The following PCDHGA6 variants were observed in gnomAD, a reference collection of about 807,000 sequenced individuals.
The protein encoded by PCDHGA6 is protocadherin gamma subfamily A, 6.
A neutral mutation model predicts 60.6 loss-of-function variants in PCDHGA6; 41 were observed. The ratio of observed to expected loss-of-function variants is 0.68; its 90% CI spans 0.53 to 0.88. PCDHGA6 has a LOEUF of 0.88. PCDHGA6 is among the 40% of genes least tolerant of loss of function. The probability of loss-of-function intolerance (pLI) is 0.00; values close to 1 mark genes in which losing one functional copy is unlikely to be tolerated. For synonymous variants in PCDHGA6, 594 were observed against 524.4 expected (o/e 1.13, Z -1.81); for missense variants, 1,312 against 1,203.0 (o/e 1.09, Z -1.34).
At position 141,404,471 on chromosome 5, in the gene PCDHGA6, A is replaced by G. The variant is rs200620626; in HGVS notation, c.2424+27964A>G. ...GTCTCCTCTCTCCACCTATGTCTCT[A>G]TTAACTCAGACACTGGTGTGCTGTA... On this transcript the variant is annotated intron_variant, in intron 1 of 3. Coordinates refer to ENST00000517434, the MANE Select transcript of PCDHGA6 (RefSeq NM_018919.3). 307 of 1,613,160 alleles carry G rather than the reference A, an allele frequency of 1.9e-4. No homozygotes were observed. Among genetic ancestry groups the G allele is most frequent in the Non-Finnish European group, 2.5e-4 (293 of 1,179,322 alleles).
intron 1 of PCDHGA6, chr5:141,410,511 G>C (rs755576652): frequency 6.2e-7 from 1 of 1,613,824 alleles, no homozygotes; most frequent in Non-Finnish European, 8.5e-7. Flanking sequence ...CTAAAATGCA[G>C]TGTGCCCCTA....
At chr5:141,495,558 A>G (rs2099762084) in intron 2 of PCDHGA6, among the ~76,000 whole-genome samples, 1 of 151,662 alleles carries the variant, frequency 6.6e-6, no homozygotes, top group Admixed American at 6.6e-5. Flanking sequence ...TCGCTTTGCA[A>G]TCTCTGCCTC....
chr5:141,462,051 G>A (rs1370612703), intron 1 of PCDHGA6, among the ~76,000 whole-genome samples: 2 of 152,068 alleles, frequency 1.3e-5, no homozygotes, highest in African/African-American at 4.8e-5. Context: ...TTGAACTCCC[G>A]ACCTCAGGTG....
At chr5:141,444,757 C>T (rs919228537) in intron 1 of PCDHGA6, among the ~76,000 whole-genome samples, 4 of 152,050 alleles carry the variant, frequency 2.6e-5, no homozygotes, top group African/African-American at 9.7e-5. Flanking sequence ...ATATGTAGTT[C>T]TATTTCTATA....
At chr5:141,445,312 T>C (rs1419229431) in intron 1 of PCDHGA6, among the ~76,000 whole-genome samples, 2 of 152,194 alleles carry the variant, frequency 1.3e-5, no homozygotes, top group African/African-American at 4.8e-5. Context: ...AGTTTGTAGG[T>C]TGAGAGAACC....
chr5:141,433,564 G>A (rs1380905062), intron 1 of PCDHGA6, among the ~76,000 whole-genome samples: 1 of 152,042 alleles, frequency 6.6e-6, no homozygotes, highest in Non-Finnish European at 1.5e-5. Flanking sequence ...GGCTGGGCGC[G>A]GTGGCTCACG....
Position 141,486,929 on chromosome 5 carries a change from G to A in PCDHGA6, c.2425-7878G>A. 2.5e-6 allele frequency: 4 copies of A among 1,614,226 alleles called. No individual in the cohort carries two copies. Among genetic ancestry groups the A allele is most frequent in the Non-Finnish European group, 2.5e-6 (3 of 1,180,038 alleles). ...CCAAGCACTGCCTCCATCAGTTGGT[G>A]CTGGCCACCTAATCACAAAGGTGAC... On this transcript the variant is annotated intron_variant, in intron 1 of 3. Transcript: ENST00000517434. This position sits in a 1 kb window ranked among gnomAD's most constrained non-coding sequence, Gnocchi z 5.0.
In PCDHGA6 at chr5:141,384,899, G is replaced by A; in HGVS notation, c.2424+8392G>A. On this transcript the variant is annotated intron_variant, in intron 1 of 3. Transcript: ENST00000517434. ...ACACTCACCGTGGCTGTGGCTGACA[G>A]CATCCCCGAAGTCTTGGCCGACCTG... The A allele has an allele frequency of 1.9e-6, 3 of 1,613,894 alleles. No homozygotes were observed. In the East Asian group the frequency reaches 6.7e-5, roughly 36 times the overall value.
intron 1 of PCDHGA6, chr5:141,398,475 T>C (rs1201280028): frequency 2.0e-5 from 32 of 1,607,296 alleles, no homozygotes; most frequent in Admixed American, 1.7e-4. Flanking sequence ...CACTGAACTT[T>C]TATCACGTGA....
In PCDHGA6 at chr5:141,389,510, G is replaced by A. The variant is rs527483186; in HGVS notation, c.2424+13003G>A. The A allele has an allele frequency of 5.0e-6, 8 of 1,613,140 alleles. No individual in the cohort carries two copies. In the African/African-American group the frequency reaches 6.7e-5, roughly 13 times the overall value. ...ACCAGGGCTCGCCAGCGCTCAGCGC[G>A]AACGTGAGCCTGCGCGTGTTAGTGG... On this transcript the variant is annotated intron_variant, in intron 1 of 3. Transcript: ENST00000517434.
At position 141,400,239 on chromosome 5, in the gene PCDHGA6, T is replaced by G. The variant is rs1306520918; in HGVS notation, c.2424+23732T>G. Reference sequence around the variant, plus strand: ...CAGTGCTCTTCCTCCTGGCCGTGATTCTGGCCGTTGCCTTGCGCCTGCGAC... The same window carrying G: ...CAGTGCTCTTCCTCCTGGCCGTGATGCTGGCCGTTGCCTTGCGCCTGCGAC... On this transcript the variant is annotated intron_variant, in intron 1 of 3. Coordinates refer to ENST00000517434, the MANE Select transcript of PCDHGA6 (RefSeq NM_018919.3). 1.9e-6 allele frequency: 3 copies of G among 1,614,054 alleles called. No individual in the cohort carries two copies. The highest frequency in any genetic ancestry group is 2.2e-5 in the East Asian group (1 of 44,880).
intron 1 of PCDHGA6, chr5:141,424,304 C>T (rs909355692): frequency 2.0e-5 from 3 of 152,464 alleles, no homozygotes; most frequent in Admixed American, 2.0e-4. Flanking sequence ...CCTATCAACA[C>T]AGACATATTG....
rs764313049 is a variant in PCDHGA6, at chr5:141,418,041, T to G, written c.2424+41534T>G. 36 of 1,613,976 alleles carry G rather than the reference T, an allele frequency of 2.2e-5. No homozygotes were observed. In the Admixed American group the frequency reaches 2.3e-4, roughly 10 times the overall value. On this transcript the variant is annotated intron_variant, in intron 1 of 3. Coordinates refer to ENST00000517434, the MANE Select transcript of PCDHGA6 (RefSeq NM_018919.3). Reference sequence around the variant, plus strand: ...GATCTAGGGCTTAGTGTCCTGGATGTGTCGGCTCGCGAGCTGCGAGTGAGC... The same window carrying G: ...GATCTAGGGCTTAGTGTCCTGGATGGGTCGGCTCGCGAGCTGCGAGTGAGC...
At chr5:141,423,980 G>A (rs2154550577) in intron 1 of PCDHGA6, 1 of 1,110,878 alleles carries the variant, frequency 9.0e-7, no homozygotes, top group South Asian at 4.5e-5. Flanking sequence ...AGTGTATGAG[G>A]CTCTCAATTT....
intron 1 of PCDHGA6, among the ~76,000 whole-genome samples, chr5:141,430,358 C>T (rs2097275535): frequency 6.7e-6 from 1 of 149,028 alleles, no homozygotes; most frequent in South Asian, 2.1e-4. Flanking sequence ...TTTAAAAGCT[C>T]ATTGGGGAAA....
At chr5:141,400,161 T>A (rs1271912348) in intron 1 of PCDHGA6, 1 of 1,614,084 alleles carries the variant, frequency 6.2e-7, no homozygotes, top group South Asian at 1.1e-5. Flanking sequence ...CTGTACCCTC[T>A]GACCCCCAGG....
chr5:141,455,244 T>C (rs977940552), intron 1 of PCDHGA6, among the ~76,000 whole-genome samples: 1 of 152,142 alleles, frequency 6.6e-6, no homozygotes, highest in Admixed American at 6.5e-5. Flanking sequence ...TTAAAGGTCA[T>C]AGTACAATCG....
chr5:141,432,745 G>A lies in PCDHGA6; in HGVS notation c.2424+56238G>A, dbSNP rs138883931. ...TCTCCGCCACTGTCACGCTCACCGT[G>A]GCCGTGGCCGACAGCATCCCCCAAG... On this transcript the variant is annotated intron_variant, in intron 1 of 3. Coordinates refer to ENST00000517434, the MANE Select transcript of PCDHGA6 (RefSeq NM_018919.3). This position sits in a 1 kb window ranked among gnomAD's most constrained non-coding sequence, Gnocchi z 6.0. 311 of 1,614,110 alleles carry A rather than the reference G, an allele frequency of 1.9e-4. No individual in the cohort carries two copies. The African/African-American group carries it at 3.5e-3, about 18-fold the overall frequency.
chr5:141,458,404 G>A lies in PCDHGA6; in HGVS notation c.2425-36403G>A, dbSNP rs183963289. Among the ~76,000 whole-genome samples the A allele has an allele frequency of 4.6e-5, 7 of 152,218 alleles. No homozygotes were observed. The East Asian group carries it at 5.8e-4, about 13-fold the overall frequency. ...GGAAGACGCTCCCCCTTGCAGAGAC[G>A]GAGCGGGGGTTCCAAAGCTGAAAGA... On this transcript the variant is annotated intron_variant, in intron 1 of 3. Transcript: ENST00000517434.
Sources: gnomAD v4.1 joint callset for allele counts (sites outside exome capture counted in the v4.1 genomes callset) on GRCh38, gnomAD v4.1.1 for gene constraint, Gnocchi (gnomAD v3.1) non-coding constraint, MANE v1.5 for transcripts, NCBI Gene and HGNC (gene_info 2026-07-23, HGNC 2026-07-21) for gene names.